Variants in CLDN10 observed in about 807,000 individuals in gnomAD.
CLDN10 encodes the protein claudin 10, also known as claudin-10.
A neutral mutation model predicts 22.9 loss-of-function variants in CLDN10; 15 were observed. The ratio of observed to expected loss-of-function variants is 0.65; its 90% CI spans 0.44 to 1.01. The LOEUF is 1.01. Among genes scored for constraint, CLDN10 ranks in the 50% least tolerant of loss-of-function variants. CLDN10 has a pLI of 0.00. For missense variants in CLDN10, 247 were observed against 287.8 expected (o/e 0.86, Z 1.03); for synonymous variants, 114 against 111.4 (o/e 1.02, Z -0.15).
chr13:95,450,950 A>G (rs974498498), intron 1 of CLDN10, among the ~76,000 whole-genome samples: 1 of 152,170 alleles, frequency 6.6e-6, no homozygotes, highest in African/African-American at 2.4e-5. Flanking sequence ...GCACCACTGT[A>G]ACTATCACCT....
rs1594607575 is a variant in CLDN10, at chr13:95,553,342, A to G, written c.220+369A>G. On this transcript the variant is annotated intron_variant, in intron 1 of 4. Coordinates refer to ENST00000299339, the MANE Select transcript of CLDN10 (RefSeq NM_006984.5). ...CGCTGGGACCCAGAGTTCATGCTGCAGGGGCTTGTCTCCTCCACCTCCCTC... is the reference window on the plus strand; with the variant it reads ...CGCTGGGACCCAGAGTTCATGCTGCGGGGGCTTGTCTCCTCCACCTCCCTC... Among the ~76,000 whole-genome samples the G allele has an allele frequency of 2.0e-5, 3 of 152,144 alleles. No individual in the cohort carries two copies. The South Asian group carries it at 6.2e-4, about 32-fold the overall frequency.
intron 1 of CLDN10, among the ~76,000 whole-genome samples, chr13:95,545,491 C>T (rs1463568339): frequency 2.0e-5 from 3 of 152,044 alleles, no homozygotes; most frequent in Non-Finnish European, 2.9e-5. Flanking sequence ...GAGCCGAGAT[C>T]GCGCCTTTGC....
intron 4 of CLDN10, 135 bp downstream of exon 4, chr13:95,577,473 AC>A: frequency 3.1e-6 from 2 of 648,480 alleles, no homozygotes; most frequent in Non-Finnish European, 5.3e-6. Context: ...GGTTAGCAGT[AC>A]AGTTAATTTT....
At chr13:95,542,172 G>A (rs2043466439) in intron 1 of CLDN10, among the ~76,000 whole-genome samples, 1 of 152,186 alleles carries the variant, frequency 6.6e-6, no homozygotes. Flanking sequence ...CACGGGAACA[G>A]CCCCAAGGGG....
intron 1 of CLDN10, among the ~76,000 whole-genome samples, chr13:95,489,307 T>C (rs1312761382): frequency 6.6e-6 from 1 of 152,148 alleles, no homozygotes; most frequent in Non-Finnish European, 1.5e-5. Context: ...GTTTATACTG[T>C]TTTCCACTGT....
intron 1 of CLDN10, among the ~76,000 whole-genome samples, chr13:95,544,787 T>G (rs899153500): frequency 6.6e-6 from 1 of 152,064 alleles, no homozygotes; most frequent in Non-Finnish European, 1.5e-5. Context: ...TCAACTTTTT[T>G]TTTTTTTGAG....
intron 1 of CLDN10, among the ~76,000 whole-genome samples, chr13:95,501,924 A>G (rs972117326): frequency 2.6e-5 from 4 of 151,880 alleles, no homozygotes; most frequent in Non-Finnish European, 4.4e-5. Flanking sequence ...TATCTCCTTT[A>G]TTGATCTTTT....
At chr13:95,516,226 C>T (rs2043166468) in intron 1 of CLDN10, among the ~76,000 whole-genome samples, 1 of 152,126 alleles carries the variant, frequency 6.6e-6, no homozygotes, top group South Asian at 2.1e-4. Flanking sequence ...TATTTCTCAT[C>T]TGTATCGGTT....
intron 1 of CLDN10, among the ~76,000 whole-genome samples, chr13:95,463,513 T>C (rs568324633): frequency 2.0e-5 from 3 of 150,540 alleles, no homozygotes; most frequent in African/African-American, 7.3e-5. Context: ...TTGTATTTTT[T>C]GTAGAGATGG....
At chr13:95,544,992 G>A (rs2138629553) in intron 1 of CLDN10, among the ~76,000 whole-genome samples, 1 of 151,478 alleles carries the variant, frequency 6.6e-6, no homozygotes, top group South Asian at 2.1e-4. Flanking sequence ...TGGCCAAGCT[G>A]GTCTCAAACT....
intron 1 of CLDN10, among the ~76,000 whole-genome samples, chr13:95,528,211 T>G (rs551479264): frequency 6.6e-6 from 1 of 152,194 alleles, no homozygotes; most frequent in Non-Finnish European, 1.5e-5. Flanking sequence ...GGGAGATAAT[T>G]GAATCATAGG....
chr13:95,509,998 C>T (rs1444884529), intron 1 of CLDN10, among the ~76,000 whole-genome samples: 2 of 152,206 alleles, frequency 1.3e-5, no homozygotes, highest in Non-Finnish European at 2.9e-5. Flanking sequence ...GGTGTAAATA[C>T]TCCCAACTTG....
At chr13:95,543,205 C>G (rs1445439002) in intron 1 of CLDN10, among the ~76,000 whole-genome samples, 1 of 152,064 alleles carries the variant, frequency 6.6e-6, no homozygotes, top group Non-Finnish European at 1.5e-5. Context: ...GCACTTCAGC[C>G]TGGGCGACAG....
intron 1 of CLDN10, among the ~76,000 whole-genome samples, chr13:95,476,628 T>C (rs1412299063): frequency 1.3e-5 from 2 of 152,048 alleles, no homozygotes; most frequent in African/African-American, 4.8e-5. Flanking sequence ...CAGAAACAGA[T>C]GGGACCTCCC....
At chr13:95,555,833 T>A (rs9302081) in intron 1 of CLDN10, among the ~76,000 whole-genome samples, 2 of 151,932 alleles carry the variant, frequency 1.3e-5, no homozygotes, top group Non-Finnish European at 2.9e-5. Context: ...CATTCCCAGG[T>A]CAGCCACATC....
intron 1 of CLDN10, among the ~76,000 whole-genome samples, chr13:95,488,022 G>A (rs1357338111): frequency 1.3e-5 from 2 of 150,410 alleles, no homozygotes; most frequent in Non-Finnish European, 3.0e-5. Flanking sequence ...GTCTCGCTCT[G>A]TCACCCAGGC....
chr13:95,568,363 G>T (rs2043810986), intron 3 of CLDN10, among the ~76,000 whole-genome samples: 1 of 152,166 alleles, frequency 6.6e-6, no homozygotes, highest in African/African-American at 2.4e-5. Flanking sequence ...AGATGCTTTT[G>T]TTATGCTAGC....
chr13:95,517,709 GTGGAT>G (rs1443229249), intron 1 of CLDN10, among the ~76,000 whole-genome samples: 1 of 152,138 alleles, frequency 6.6e-6, no homozygotes, highest in East Asian at 1.9e-4. Flanking sequence ...GCTGAGGCGG[GTGGAT>G]CACCTGAGGT....
chr13:95,435,876 G>A (rs776880158), intron 1 of CLDN10, among the ~76,000 whole-genome samples: 5 of 150,860 alleles, frequency 3.3e-5, no homozygotes, highest in Admixed American at 6.6e-5. Flanking sequence ...GGCTGGTCTC[G>A]ATCTCCTGAG....
Sources: gnomAD v4.1 joint callset for allele counts (sites outside exome capture counted in the v4.1 genomes callset) on GRCh38, gnomAD v4.1.1 for gene constraint, MANE v1.5 for transcripts, NCBI Gene and HGNC (gene_info 2026-07-23, HGNC 2026-07-21) for gene names.